Variants in KIF7 observed in about 807,000 individuals in gnomAD.
KIF7 encodes the protein kinesin-like protein KIF7.
A neutral mutation model predicts 135.7 loss-of-function variants in KIF7; 104 were observed. That is an observed-to-expected ratio of 0.77 (90% CI 0.65 to 0.90). The LOEUF (loss-of-function observed/expected upper bound fraction) is 0.90. Ranked by LOEUF, KIF7 falls within the 40% of genes least tolerant of loss-of-function variation. KIF7 has a pLI of 0.00. For synonymous variants in KIF7, 883 were observed against 809.4 expected, an observed-to-expected ratio of 1.09 and a Z score of -1.54; for missense variants, 2,005 against 1,839.1, an observed-to-expected ratio of 1.09 and a Z score of -1.65.
chr15:89,656,088 C>G (rs756590872), upstream of KIF7, among the ~76,000 whole-genome samples: 1 of 152,132 alleles, frequency 6.6e-6, no homozygotes, highest in Non-Finnish European at 1.5e-5. Context: ...AAAGTAAACT[C>G]CAGTGTAGTT....
In KIF7 at chr15:89,649,750, C is replaced by G; in HGVS notation, c.520G>C (p.Gly174Arg). 6.4e-7 allele frequency: 1 copy of G among 1,551,856 alleles called. No homozygotes were observed. The highest frequency in any genetic ancestry group is 1.4e-5 in the African/African-American group (1 of 73,188). Residue 174 changes from glycine to arginine, a missense_variant, in exon 3 of 19, where the codon GGG (glycine) becomes CGG (arginine). Transcript: ENST00000394412. ...RDIQLREDER[G>R]NVVLCGVKEV... ...CCCCAGAGTTCCTCACCAACATTCCCGCGCTCATCTTCCCGGAGCTGGATG... is the reference window on the plus strand; with the variant it reads ...CCCCAGAGTTCCTCACCAACATTCCGGCGCTCATCTTCCCGGAGCTGGATG...
downstream of KIF7, chr15:89,627,071 G>A: frequency 1.9e-6 from 3 of 1,614,084 alleles, no homozygotes; most frequent in Non-Finnish European, 2.5e-6. Flanking sequence ...TGGGAACCTG[G>A]CTGGAGGACT....
At chr15:89,659,432 G>T (rs955828663), upstream of KIF7, among the ~76,000 whole-genome samples, 2 of 138,376 alleles carry the variant, frequency 1.4e-5, no homozygotes, top group African/African-American at 5.6e-5. Flanking sequence ...AAAGAAGGAA[G>T]GAAGGGGAAA....
At chr15:89,624,020 GGA>G, downstream of KIF7, 2 of 1,613,956 alleles carry the variant, frequency 1.2e-6, no homozygotes, top group East Asian at 4.5e-5. Flanking sequence ...GCCCAGCCCA[GGA>G]GAGAGTGTCT....
intron 10 of KIF7, among the ~76,000 whole-genome samples, chr15:89,643,477 A>G (rs751031234): frequency 3.3e-4 from 51 of 152,340 alleles, no homozygotes; most frequent in Non-Finnish European, 6.2e-4. Context: ...TCCCACATAG[A>G]TATCAAGTGA....
chr15:89,630,209 G>T, intron 16 of KIF7, 78 bp downstream of exon 16: 1 of 1,352,974 alleles, frequency 7.4e-7, no homozygotes, highest in South Asian at 1.2e-5. Flanking sequence ...CGGGATATCC[G>T]CTGGAGCAGC....
rs1447142436 is a variant in KIF7 at position 89,637,357 on chromosome 15, C to CA, written c.2395-3475dup. On this transcript the variant is annotated intron_variant, in intron 11 of 18. Coordinates refer to ENST00000394412, the MANE Select transcript of KIF7 (RefSeq NM_198525.3). ...AGCAGAACTGAAGGAAATAGAGACA[C>CA]AAAAAACCCTTCAAAAAATTAATGA... 3.2e-4 allele frequency among the ~76,000 whole-genome samples: 48 copies of CA among 148,560 alleles called. No homozygotes were observed. In the Admixed American group the frequency reaches 3.2e-3, roughly 10 times the overall value.
chr15:89,631,502 G>C lies in KIF7; in HGVS notation c.3104C>G (p.Ser1035Cys), dbSNP rs1328455961. 1.3e-6 allele frequency: 2 copies of C among 1,573,858 alleles called. No individual in the cohort carries two copies. The highest frequency in any genetic ancestry group is 2.7e-5 in the African/African-American group (2 of 73,962). ...DGKLRQGSLL[S>C]PEEERTLFQL... ...CATGGGGCCGCAGGGTACCTCGGGG[G>C]ACAGCAGACTCCCCTGCCTCAGCTT... Residue 1035 changes from serine to cysteine, a missense_variant, in exon 15 of 19, where the codon TCC becomes TGC. Physicochemically the swap from Ser to Cys is moderately radical, Grantham distance 112. Coordinates refer to ENST00000394412, the MANE Select transcript of KIF7 (RefSeq NM_198525.3).
chr15:89,625,818 T>G (rs1042396300), downstream of KIF7: 6 of 1,572,186 alleles, frequency 3.8e-6, no homozygotes, highest in Admixed American at 1.8e-5. Context: ...AGTTTCCTCA[T>G]GGTTTCTTTT....
chr15:89,631,537 C>A lies in KIF7; in HGVS notation c.3069G>T (p.Glu1023Asp), dbSNP rs774368580. The A allele has an allele frequency of 6.3e-7, 1 of 1,583,656 alleles. No homozygotes were observed. Among genetic ancestry groups the A allele is most frequent in the East Asian group, 2.3e-5 (1 of 43,522 alleles). Residue 1023 changes from glutamate (E) to aspartate (D), a missense_variant, in exon 15 of 19, where the codon GAG (glutamate) becomes GAT (aspartate). Physicochemically the swap from Glu to Asp is conservative, Grantham distance 45. Coordinates refer to ENST00000394412, the MANE Select transcript of KIF7 (RefSeq NM_198525.3). The part of the protein sequence containing the change: ...EKDSLLKQRL[E>D]IDGKLRQGSL... ...TCCCCTGCCTCAGCTTGCCGTCGATCTCCAGGCGCTGCTTGAGCAGCGAGT... is the reference window on the plus strand; with the variant it reads ...TCCCCTGCCTCAGCTTGCCGTCGATATCCAGGCGCTGCTTGAGCAGCGAGT...
chr15:89,662,125 T>A, the KIF7 span, among the ~76,000 whole-genome samples: 6 of 152,192 alleles, frequency 3.9e-5, no homozygotes, highest in Admixed American at 1.3e-4. Context: ...CTTAAGACAA[T>A]GAGCACTGAA....
intron 10 of KIF7, among the ~76,000 whole-genome samples, chr15:89,643,035 A>G (rs1384248720): frequency 2.0e-5 from 3 of 152,068 alleles, no homozygotes; most frequent in African/African-American, 7.2e-5. Flanking sequence ...AGGACAAAAG[A>G]ATGAGCTAAA....
intron 6 of KIF7, 108 bp downstream of exon 6, chr15:89,647,487 AC>A: frequency 1.1e-6 from 1 of 941,678 alleles, no homozygotes; most frequent in Non-Finnish European, 1.7e-6. Context: ...CTACACCCCT[AC>A]CCCGCAGTAC....
At chr15:89,641,456 G>C (rs1963918576) in intron 11 of KIF7, among the ~76,000 whole-genome samples, 1 of 152,210 alleles carries the variant, frequency 6.6e-6, no homozygotes, top group Non-Finnish European at 1.5e-5. Context: ...AAAGGGGATG[G>C]AAGGGGTGGA....
chr15:89,640,656 C>T (rs1245242422), intron 11 of KIF7, among the ~76,000 whole-genome samples: 1 of 151,802 alleles, frequency 6.6e-6, no homozygotes, highest in East Asian at 1.9e-4. Context: ...GTGGGAGGGA[C>T]AGATGGCTAG....
Position 89,628,564 on chromosome 15 carries a change from C to G in KIF7, c.3887G>C (p.Arg1296Pro). The G allele has an allele frequency of 6.2e-7, 1 of 1,613,428 alleles. No individual in the cohort carries two copies. The highest frequency in any genetic ancestry group is 8.5e-7 in the Non-Finnish European group (1 of 1,179,970). Reference protein sequence around the residue: ...EQGSPEELRQREAAEPLVGRV... With the variant: ...EQGSPEELRQPEAAEPLVGRV... ...CCCCACCAGGGGCTCAGCCGCCTCC[C>G]GCTGCCTCAGTTCCTCGGGGGACCC... Residue 1296 changes from arginine (R) to proline (P), a missense_variant, in exon 19 of 19, where the codon CGG becomes CCG. Transcript: ENST00000394412.
intron 1 of KIF7, 62 bp from the exon 2 acceptor site, chr15:89,653,016 T>G: frequency 2.3e-6 from 3 of 1,306,976 alleles, no homozygotes; most frequent in Non-Finnish European, 3.1e-6. Flanking sequence ...GGACTCACCC[T>G]GCAGGGGACT....
downstream of KIF7, chr15:89,624,833 C>T: frequency 6.2e-7 from 1 of 1,614,166 alleles, no homozygotes; most frequent in Non-Finnish European, 8.5e-7. Context: ...GGGATTCCCC[C>T]ATCTCCTCCT....
In KIF7 at chr15:89,628,336, T is replaced by C. The variant is rs1963578063; in HGVS notation, c.*83A>G. 6 of 1,508,880 alleles carry C rather than the reference T, an allele frequency of 4.0e-6. No homozygotes were observed. The highest frequency in any genetic ancestry group is 1.3e-5 in the South Asian group (1 of 76,368). 93.5% of individuals were successfully genotyped at this position (1,508,880 alleles called of 1,614,324 possible). Reference sequence around the variant, plus strand: ...TGGATTTAGGGTGTGCGGTAAGGACTGCCCTTCACAGAAGCAAAACAGGCA... The same window carrying C: ...TGGATTTAGGGTGTGCGGTAAGGACCGCCCTTCACAGAAGCAAAACAGGCA... On this transcript the variant is annotated 3_prime_UTR_variant, in exon 19 of 19. Transcript: ENST00000394412.
Sources: allele counts gnomAD v4.1 joint callset (sites outside exome capture counted in the v4.1 genomes callset), GRCh38; gene constraint gnomAD v4.1.1; transcripts MANE v1.5; gene names NCBI Gene and HGNC (gene_info 2026-07-23, HGNC 2026-07-21).